The following ZNF385D variants were observed in gnomAD, a reference collection of about 807,000 sequenced individuals.
The protein encoded by ZNF385D is zinc finger protein 385D, also known as zinc finger protein 659.
In ZNF385D, 15 loss-of-function variants were observed where a neutral mutation model predicts 35.8. That is an observed-to-expected ratio of 0.42 (90% CI 0.28 to 0.64). ZNF385D has a LOEUF of 0.64. ZNF385D is among the 30% of genes least tolerant of loss of function. The pLI, the probability that ZNF385D is intolerant of heterozygous loss-of-function variation, is 0.23. For missense variants in ZNF385D, 474 were observed against 494.6 expected (o/e 0.96, Z 0.39); for synonymous variants, 212 against 186.8 (o/e 1.13, Z -1.10).
In ZNF385D at chr3:21,682,628, T is replaced by C. The variant is rs1231278307; in HGVS notation, c.23-17600A>G. ...AGCCTCTAAATCTCATATTGCAATTTTGTGGGATTCACATGGAAGCTGTAC... is the reference window on the plus strand; with the variant it reads ...AGCCTCTAAATCTCATATTGCAATTCTGTGGGATTCACATGGAAGCTGTAC... On this transcript the variant is annotated intron_variant, in intron 1 of 7. Transcript: ENST00000281523. Among the ~76,000 whole-genome samples the C allele has an allele frequency of 2.0e-5, 3 of 150,066 alleles. 1 individual carries two copies. The highest frequency in any genetic ancestry group is 6.6e-5 in the Admixed American group (1 of 15,040).
chr3:21,438,644 G>C (rs1381731034), intron 4 of ZNF385D, among the ~76,000 whole-genome samples: 2 of 152,016 alleles, frequency 1.3e-5, no homozygotes, highest in African/African-American at 4.8e-5. Flanking sequence ...AAACTCATCT[G>C]GATCTTGTTT....
chr3:22,278,564 C>A (rs1028037345), intron 2 of ZNF385D, among the ~76,000 whole-genome samples: 3 of 152,116 alleles, frequency 2.0e-5, no homozygotes, highest in Non-Finnish European at 4.4e-5. Flanking sequence ...AATTTGATCT[C>A]ATATTCAATT....
At chr3:22,278,264 T>G (rs1701535591) in intron 2 of ZNF385D, among the ~76,000 whole-genome samples, 1 of 152,130 alleles carries the variant, frequency 6.6e-6, no homozygotes, top group African/African-American at 2.4e-5. Context: ...ACAGTCACAA[T>G]GGTGACTGCT....
chr3:21,489,737 A>G (rs1431179531), intron 4 of ZNF385D, among the ~76,000 whole-genome samples: 1 of 152,114 alleles, frequency 6.6e-6, no homozygotes, highest in East Asian at 1.9e-4. Flanking sequence ...CCTGTGCTAC[A>G]GGTTGCCCTT....
chr3:22,253,056 T>C (rs987768997), intron 2 of ZNF385D, among the ~76,000 whole-genome samples: 4 of 152,070 alleles, frequency 2.6e-5, no homozygotes, highest in African/African-American at 9.7e-5. Flanking sequence ...TGGTAATTGA[T>C]AGATGTTGGA....
intron 2 of ZNF385D, among the ~76,000 whole-genome samples, chr3:21,605,054 A>C (rs1366144409): frequency 3.3e-5 from 5 of 152,220 alleles, no homozygotes; most frequent in African/African-American, 1.2e-4. Context: ...GGGAGAACTT[A>C]AATGGAAATT....
intron 2 of ZNF385D, among the ~76,000 whole-genome samples, chr3:21,593,741 A>G (rs1273427379): frequency 6.6e-6 from 1 of 152,092 alleles, no homozygotes; most frequent in African/African-American, 2.4e-5. Context: ...GAACAACAGG[A>G]AAGAAAATGT....
chr3:22,327,692 T>C (rs1323505643), intron 2 of ZNF385D, among the ~76,000 whole-genome samples: 1 of 152,196 alleles, frequency 6.6e-6, no homozygotes, highest in East Asian at 1.9e-4. Flanking sequence ...GAAGATTGCA[T>C]GCTGCTTGGC....
At chr3:21,780,692 A>T (rs1032735524) in intron 3 of ZNF385D, among the ~76,000 whole-genome samples, 1 of 152,076 alleles carries the variant, frequency 6.6e-6, no homozygotes, top group Non-Finnish European at 1.5e-5. Flanking sequence ...GACTAATGAC[A>T]TTCTAATAGG....
intron 3 of ZNF385D, among the ~76,000 whole-genome samples, chr3:22,019,034 C>CA (rs1697060808): frequency 4.7e-5 from 3 of 64,460 alleles, no homozygotes; most frequent in Admixed American, 1.7e-4. Flanking sequence ...AGTTATTTAC[C>CA]TTTTTTTTTT....
chr3:21,437,736 A>G (rs1575143892), intron 4 of ZNF385D, among the ~76,000 whole-genome samples: 1 of 145,418 alleles, frequency 6.9e-6, no homozygotes, highest in Non-Finnish European at 1.5e-5. Flanking sequence ...CCCTGATGCC[A>G]TAATTGCTTT....
At chr3:21,964,664 G>C (rs960894277) in intron 3 of ZNF385D, among the ~76,000 whole-genome samples, 17 of 151,290 alleles carry the variant, frequency 1.1e-4, no homozygotes, top group Admixed American at 8.6e-4. Context: ...TAATTTTTTT[G>C]TATTTTTAGT....
At chr3:21,440,212 A>G (rs1314329322) in intron 4 of ZNF385D, among the ~76,000 whole-genome samples, 1 of 152,142 alleles carries the variant, frequency 6.6e-6, no homozygotes, top group Non-Finnish European at 1.5e-5. Flanking sequence ...ATGGTACATT[A>G]AATTACCAGT....
chr3:22,252,873 C>T (rs1228602578), intron 2 of ZNF385D, among the ~76,000 whole-genome samples: 4 of 152,152 alleles, frequency 2.6e-5, no homozygotes, highest in South Asian at 2.1e-4. Flanking sequence ...GGCACACTGG[C>T]GAAGACTGTA....
chr3:21,565,377 T>C (rs1040067074), intron 2 of ZNF385D, among the ~76,000 whole-genome samples: 1 of 152,098 alleles, frequency 6.6e-6, no homozygotes, highest in Non-Finnish European at 1.5e-5. Flanking sequence ...CCAGCTCTGA[T>C]AAAGTTTAGT....
intron 2 of ZNF385D, among the ~76,000 whole-genome samples, chr3:21,565,497 G>C (rs1165091730): frequency 6.6e-6 from 1 of 152,074 alleles, no homozygotes; most frequent in Non-Finnish European, 1.5e-5. Context: ...TCCCACTTGA[G>C]CCTCCCAAGT....
intron 4 of ZNF385D, among the ~76,000 whole-genome samples, chr3:21,483,333 C>A (rs1401535482): frequency 3.3e-5 from 5 of 152,160 alleles, no homozygotes; most frequent in Admixed American, 3.3e-4. Context: ...CTCTTTACTG[C>A]TGAGTGGTAT....
At chr3:21,879,625 T>G (rs1698171442) in intron 3 of ZNF385D, among the ~76,000 whole-genome samples, 3 of 151,966 alleles carry the variant, frequency 2.0e-5, no homozygotes, top group Admixed American at 2.0e-4. Context: ...GCTGTTGTAA[T>G]ATGCCACAGC....
intron 1 of ZNF385D, among the ~76,000 whole-genome samples, 187 bp downstream of exon 1, chr3:21,750,708 A>G (rs1044896777): frequency 6.6e-6 from 1 of 150,934 alleles, no homozygotes; most frequent in Non-Finnish European, 1.5e-5. Flanking sequence ...ATCCACGGCT[A>G]AATTAACAGC....
Sources: gnomAD v4.1 joint callset for allele counts (sites outside exome capture counted in the v4.1 genomes callset) on GRCh38, gnomAD v4.1.1 for gene constraint, MANE v1.5 for transcripts, NCBI Gene and HGNC (gene_info 2026-07-23, HGNC 2026-07-21) for gene names.